The following IL1RAPL1 variants were observed in gnomAD, a reference collection of about 807,000 sequenced individuals.
The protein encoded by IL1RAPL1 is interleukin 1 receptor accessory protein like 1, also known as interleukin-1 receptor accessory protein-like 1.
Under a neutral mutation model 48.4 loss-of-function variants are expected in IL1RAPL1, and 3 were observed. That is an observed-to-expected ratio of 0.06 (90% CI 0.03 to 0.16). The LOEUF (loss-of-function observed/expected upper bound fraction) is 0.16. Among genes scored for constraint, IL1RAPL1 ranks in the 10% least tolerant of loss-of-function variants. The pLI is 1.00. For synonymous variants in IL1RAPL1, 185 were observed against 187.7 expected (o/e 0.99, Z 0.12); for missense variants, 349 against 530.6 (o/e 0.66, Z 3.36).
At chrX:29,950,520 A>G (rs139880203) in intron 9 of IL1RAPL1, among the ~76,000 whole-genome samples, 2 of 111,010 alleles carry the variant, frequency 1.8e-5, no homozygotes, top group Non-Finnish European at 3.8e-5. Flanking sequence ...GCATCTCTTG[A>G]GAGTTTGCTA....
chrX:28,891,189 T>G (rs756704404), intron 2 of IL1RAPL1, among the ~76,000 whole-genome samples: 2 of 112,011 alleles, frequency 1.8e-5, no homozygotes, highest in African/African-American at 6.5e-5. Flanking sequence ...TTACTTGGTC[T>G]CTTGATTTAA....
chrX:29,072,871 G>C (rs1215457672), intron 2 of IL1RAPL1, among the ~76,000 whole-genome samples: 1 of 111,317 alleles, frequency 9.0e-6, no homozygotes, highest in Non-Finnish European at 1.9e-5. Flanking sequence ...TTACAGTGGG[G>C]TCAGTGGCTA....
At chrX:29,630,348 G>T (rs900076549) in intron 5 of IL1RAPL1, among the ~76,000 whole-genome samples, 1 of 111,588 alleles carries the variant, frequency 9.0e-6, no homozygotes, top group Non-Finnish European at 1.9e-5. Context: ...TCATAGCAAT[G>T]ACTATATAGT....
At chrX:29,228,178 GCACACACACACA>G (rs35435025) in intron 2 of IL1RAPL1, among the ~76,000 whole-genome samples, 35,314 of 84,046 alleles carry the variant, frequency 0.42, 7,724 homozygotes, top group Non-Finnish European at 0.6. Context: ...ACACACGCGT[GCACACACACACA>G]CACACACACA....
intron 3 of IL1RAPL1, among the ~76,000 whole-genome samples, chrX:29,327,100 A>G (rs1275446887): frequency 9.0e-6 from 1 of 111,535 alleles, no homozygotes; most frequent in African/African-American, 3.3e-5. Context: ...GCTGGCTCCA[A>G]ATTAGAATCT....
chrX:29,513,876 A>C (rs1328891246), intron 5 of IL1RAPL1, among the ~76,000 whole-genome samples: 2 of 112,217 alleles, frequency 1.8e-5, no homozygotes, highest in Non-Finnish European at 3.8e-5. Context: ...TTATTTAAAA[A>C]GAATCAACAG....
chrX:28,927,647 A>G (rs776467409), intron 2 of IL1RAPL1, among the ~76,000 whole-genome samples: 8 of 88,047 alleles, frequency 9.1e-5, no homozygotes, highest in Admixed American at 2.8e-4. Flanking sequence ...TTTGTATCCT[A>G]TGGTCACATG....
chrX:29,465,857 AC>A (rs1934856883), intron 5 of IL1RAPL1, among the ~76,000 whole-genome samples: 1 of 111,335 alleles, frequency 9.0e-6, no homozygotes, highest in Non-Finnish European at 1.9e-5. Flanking sequence ...AAAAATGCTC[AC>A]TAGTTAATTG....
At chrX:28,666,191 G>A in intron 1 of IL1RAPL1, among the ~76,000 whole-genome samples, 1 of 112,150 alleles carries the variant, frequency 8.9e-6, no homozygotes, top group Middle Eastern at 4.6e-3. Context: ...TGCTTCCTTT[G>A]TGCTGCTGCA....
chrX:29,205,520 A>G (rs1055527542), intron 2 of IL1RAPL1, among the ~76,000 whole-genome samples: 1 of 110,373 alleles, frequency 9.1e-6, no homozygotes, highest in Non-Finnish European at 1.9e-5. Flanking sequence ...CATGACCTCA[A>G]AAATTGACTC....
chrX:29,741,567 C>T (rs945008249), intron 6 of IL1RAPL1, among the ~76,000 whole-genome samples: 2 of 110,781 alleles, frequency 1.8e-5, no homozygotes, highest in Non-Finnish European at 1.9e-5. Context: ...TAACTAGGAG[C>T]GACTCTGAAA....
chrX:29,662,715 A>G (rs1457215245), intron 5 of IL1RAPL1, among the ~76,000 whole-genome samples: 4 of 112,089 alleles, frequency 3.6e-5, no homozygotes, highest in Non-Finnish European at 7.5e-5. Context: ...TTTGATGGAT[A>G]TATTATGAGT....
chrX:29,314,235 A>AG lies in IL1RAPL1; in HGVS notation c.362+31023dup, dbSNP rs1157813510. Among the ~76,000 whole-genome samples, 4 of 111,811 alleles carry AG rather than the reference A, an allele frequency of 3.6e-5. No individual in the cohort carries two copies. In the East Asian group the frequency reaches 8.5e-4, roughly 24 times the overall value. ...GGTAGATATTTTTTATAGAGTTTTGAGGGGGTCTAGGTTCAAGTGGTTTAA... is the reference window on the plus strand; with the variant it reads ...GGTAGATATTTTTTATAGAGTTTTGAGGGGGGTCTAGGTTCAAGTGGTTTAA... On this transcript the variant is annotated intron_variant, in intron 3 of 10. Transcript: ENST00000378993.
At position 29,624,632 on chromosome X, in the gene IL1RAPL1, G is replaced by A. The variant is rs192008513; in HGVS notation, c.704-43798G>A. Reference sequence around the variant, plus strand: ...GTGGATCACCTGAGCCCAGGAGTTCGAGACCAGCCTGGGCAACGTGGGGGA... The same window carrying A: ...GTGGATCACCTGAGCCCAGGAGTTCAAGACCAGCCTGGGCAACGTGGGGGA... On this transcript the variant is annotated intron_variant, in intron 5 of 10. Coordinates refer to ENST00000378993, the MANE Select transcript of IL1RAPL1 (RefSeq NM_014271.4). Among the ~76,000 whole-genome samples, 110 of 108,942 alleles carry A rather than the reference G, an allele frequency of 1.0e-3. 1 individual carries two copies. Among genetic ancestry groups the A allele is most frequent in the Non-Finnish European group, 1.9e-3 (100 of 52,382 alleles). The allele number at this position is 108,942 out of a possible 115,157, so 94.6% of individuals were successfully genotyped here. A position where few individuals can be genotyped will look rare whatever the true frequency, so the allele number is the denominator to read the frequency against.
intron 6 of IL1RAPL1, among the ~76,000 whole-genome samples, chrX:29,905,779 A>G (rs1932600023): frequency 9.0e-6 from 1 of 111,463 alleles, no homozygotes; most frequent in Non-Finnish European, 1.9e-5. Context: ...TTTCAGAAAC[A>G]TGTATAGTCG....
At chrX:29,803,197 A>ATG (rs201139892) in intron 6 of IL1RAPL1, among the ~76,000 whole-genome samples, 1,075 of 22,903 alleles carry the variant, frequency 0.047, 44 homozygotes, top group East Asian at 0.11. Context: ...ATATGTATAC[A>ATG]TATACACACA....
chrX:28,644,498 G>A (rs1163827446), intron 1 of IL1RAPL1, among the ~76,000 whole-genome samples: 4 of 111,261 alleles, frequency 3.6e-5, no homozygotes, highest in South Asian at 3.8e-4. Flanking sequence ...TGTCATGCTC[G>A]TTGATACACA....
At chrX:28,716,088 A>G (rs1055234542) in intron 1 of IL1RAPL1, among the ~76,000 whole-genome samples, 5 of 112,318 alleles carry the variant, frequency 4.5e-5, no homozygotes, top group African/African-American at 6.5e-5. Context: ...GAAAACACAC[A>G]TGATTATCTC....
intron 3 of IL1RAPL1, among the ~76,000 whole-genome samples, chrX:29,300,911 C>A (rs762101302): frequency 6.3e-5 from 7 of 111,218 alleles, no homozygotes; most frequent in African/African-American, 1.6e-4. Context: ...AATCGCCCCC[C>A]CTGGAGGAAA....
Sources: gnomAD v4.1 joint callset for allele counts (sites outside exome capture counted in the v4.1 genomes callset) on GRCh38, gnomAD v4.1.1 for gene constraint, MANE v1.5 for transcripts, NCBI Gene and HGNC (gene_info 2026-07-23, HGNC 2026-07-21) for gene names.